PLD5: variants seen among roughly 807,000 people sequenced by gnomAD.
PLD5 encodes inactive phospholipase D5.
PLD5 carries 36 observed loss-of-function variants against 61.1 expected under a neutral mutation model. The observed-to-expected ratio is 0.59, with a 90% CI of 0.45 to 0.78. PLD5 has a LOEUF of 0.78. Ranked by LOEUF, PLD5 falls within the 30% of genes least tolerant of loss-of-function variation. The pLI, the probability that PLD5 is intolerant of heterozygous loss-of-function variation, is 0.00. For missense variants in PLD5, 515 were observed against 644.4 expected, an observed-to-expected ratio of 0.80 and a Z score of 2.17; for synonymous variants, 243 against 242.8, an observed-to-expected ratio of 1.00 and a Z score of -0.01.
intron 5 of PLD5, among the ~76,000 whole-genome samples, chr1:242,187,054 C>G (rs527406404): frequency 6.6e-6 from 1 of 152,288 alleles, no homozygotes; most frequent in Admixed American, 6.5e-5. Context: ...CAGGCATATC[C>G]ACTATGGCAA....
rs555263311 is a variant in PLD5, at chr1:242,424,762, C to T, written c.190-76520G>A. Among the ~76,000 whole-genome samples the T allele has an allele frequency of 2.6e-5, 4 of 152,278 alleles. No homozygotes were observed. In the South Asian group the frequency reaches 8.3e-4, roughly 32 times the overall value. Reference sequence around the variant, plus strand: ...GGATGTTTGTACAGCAGCTCACAGACAGCTCCTTTCTATTCCCACTTCCAG... The same window carrying T: ...GGATGTTTGTACAGCAGCTCACAGATAGCTCCTTTCTATTCCCACTTCCAG... On this transcript the variant is annotated intron_variant, in intron 1 of 9. Coordinates refer to ENST00000536534, the MANE Select transcript of PLD5 (RefSeq NM_001372062.1).
chr1:242,338,441 C>T (rs1478901812), intron 2 of PLD5, among the ~76,000 whole-genome samples: 16 of 151,724 alleles, frequency 1.1e-4, no homozygotes, highest in Non-Finnish European at 8.8e-5. Context: ...TGATTGTGCC[C>T]ATAAGGGTTC....
intron 6 of PLD5, among the ~76,000 whole-genome samples, chr1:242,123,330 T>C (rs1397355096): frequency 6.6e-6 from 1 of 152,208 alleles, no homozygotes; most frequent in East Asian, 1.9e-4. Flanking sequence ...GAAACAAATG[T>C]GAGCTATACA....
intron 1 of PLD5, among the ~76,000 whole-genome samples, chr1:242,411,231 T>TTTTTGTTTTG (rs3033873): frequency 2.0e-5 from 3 of 151,286 alleles, no homozygotes; most frequent in African/African-American, 4.9e-5. Flanking sequence ...TGGTTTTGTT[T>TTTTTGTTTTG]TTTTGTTTTG....
At chr1:242,399,023 T>A (rs1286990357) in intron 1 of PLD5, among the ~76,000 whole-genome samples, 1 of 152,122 alleles carries the variant, frequency 6.6e-6, no homozygotes, top group Non-Finnish European at 1.5e-5. Context: ...AAGGGCCACA[T>A]GAGTTGAACA....
At chr1:242,407,692 G>T (rs1664319178) in intron 1 of PLD5, among the ~76,000 whole-genome samples, 1 of 151,442 alleles carries the variant, frequency 6.6e-6, no homozygotes, top group Non-Finnish European at 1.5e-5. Context: ...CGATTCTCCT[G>T]CTCAGCCTCC....
At chr1:242,291,045 C>T (rs1675332145) in intron 2 of PLD5, among the ~76,000 whole-genome samples, 1 of 152,206 alleles carries the variant, frequency 6.6e-6, no homozygotes, top group Admixed American at 6.5e-5. Flanking sequence ...TCACTGGATT[C>T]AAATGCCCTT....
chr1:242,502,672 C>CGTGT (rs897969504), intron 1 of PLD5, among the ~76,000 whole-genome samples: 1 of 151,446 alleles, frequency 6.6e-6, no homozygotes, highest in East Asian at 1.9e-4. Flanking sequence ...TGTGTATGTG[C>CGTGT]GTGTGTGTGT....
chr1:242,425,697 C>T (rs1665384037), intron 1 of PLD5, among the ~76,000 whole-genome samples: 1 of 142,970 alleles, frequency 7.0e-6, no homozygotes, highest in Non-Finnish European at 1.5e-5. Flanking sequence ...GGCTGGAGTG[C>T]AGTGGCGCAA....
At chr1:242,291,024 T>C (rs1369257785) in intron 2 of PLD5, among the ~76,000 whole-genome samples, 1 of 152,148 alleles carries the variant, frequency 6.6e-6, no homozygotes, top group Non-Finnish European at 1.5e-5. Context: ...CTGGCCTGCC[T>C]CTCTGCAGCT....
intron 3 of PLD5, among the ~76,000 whole-genome samples, chr1:242,275,556 G>A (rs1674365464): frequency 6.6e-6 from 1 of 152,098 alleles, no homozygotes; most frequent in East Asian, 1.9e-4. Flanking sequence ...TTATTTACTG[G>A]TTGCTTCCTA....
intron 1 of PLD5, among the ~76,000 whole-genome samples, chr1:242,457,902 A>G (rs1666992680): frequency 6.6e-6 from 1 of 152,214 alleles, no homozygotes; most frequent in Non-Finnish European, 1.5e-5. Context: ...ATCGAGGTCT[A>G]TGTTAATGAC....
At chr1:242,232,028 T>C (rs1331701405) in intron 4 of PLD5, among the ~76,000 whole-genome samples, 1 of 151,176 alleles carries the variant, frequency 6.6e-6, no homozygotes, top group East Asian at 1.9e-4. Flanking sequence ...CAAAATCTAA[T>C]TGCGGTAGTT....
At position 242,308,989 on chromosome 1, in the gene PLD5, C is replaced by T. The variant is rs540077743; in HGVS notation, c.327-20459G>A. Reference sequence around the variant, plus strand: ...GGGACGTAAGGGGGAGAAAGTGGAGCGGGGAAAAAGATGAGAAGATGGCCT... The same window carrying T: ...GGGACGTAAGGGGGAGAAAGTGGAGTGGGGAAAAAGATGAGAAGATGGCCT... On this transcript the variant is annotated intron_variant, in intron 2 of 9. Transcript: ENST00000536534. 2.3e-3 allele frequency among the ~76,000 whole-genome samples: 344 copies of T among 151,648 alleles called. 1 individual carries two copies. Among genetic ancestry groups the T allele is most frequent in the South Asian group, 0.012 (56 of 4,782 alleles).
intron 1 of PLD5, among the ~76,000 whole-genome samples, chr1:242,485,137 T>G (rs1667913401): frequency 6.6e-6 from 1 of 152,170 alleles, no homozygotes; most frequent in Non-Finnish European, 1.5e-5. Flanking sequence ...GCATTCCCTT[T>G]GAAAACTGGC....
At chr1:242,340,561 T>G (rs1266698729) in intron 2 of PLD5, among the ~76,000 whole-genome samples, 2 of 151,674 alleles carry the variant, frequency 1.3e-5, no homozygotes, top group African/African-American at 4.8e-5. Context: ...ATAAGAAGAA[T>G]AATAGTGGAT....
chr1:242,499,143 T>G (rs1057360335), intron 1 of PLD5, among the ~76,000 whole-genome samples: 1 of 152,186 alleles, frequency 6.6e-6, no homozygotes, highest in Non-Finnish European at 1.5e-5. Flanking sequence ...ATAAAAGAAG[T>G]TTTACTATTC....
In PLD5 at chr1:242,133,956, C is replaced by T. The variant is rs573121616; in HGVS notation, c.736-9291G>A. Among the ~76,000 whole-genome samples, 12 of 152,286 alleles carry T rather than the reference C, an allele frequency of 7.9e-5. No individual in the cohort carries two copies. In the South Asian group the frequency reaches 2.3e-3, roughly 29 times the overall value. On this transcript the variant is annotated intron_variant, in intron 5 of 9. Coordinates refer to ENST00000536534, the MANE Select transcript of PLD5 (RefSeq NM_001372062.1). ...GACAGTTGAAAATTATGCCAAAATGCCATCGTGGCTCCTCCTGACCTTCCT... is the reference window on the plus strand; with the variant it reads ...GACAGTTGAAAATTATGCCAAAATGTCATCGTGGCTCCTCCTGACCTTCCT...
At chr1:242,332,981 T>C (rs1436533753) in intron 2 of PLD5, among the ~76,000 whole-genome samples, 2 of 152,110 alleles carry the variant, frequency 1.3e-5, no homozygotes, top group Non-Finnish European at 2.9e-5. Flanking sequence ...AGGGGTTGCC[T>C]CAGGTGAAAC....
Sources: allele counts gnomAD v4.1 joint callset (sites outside exome capture counted in the v4.1 genomes callset), GRCh38; gene constraint gnomAD v4.1.1; transcripts MANE v1.5; gene names NCBI Gene and HGNC (gene_info 2026-07-23, HGNC 2026-07-21).